Variants in PIP5K1B observed in about 807,000 individuals in gnomAD.
The protein encoded by PIP5K1B is phosphatidylinositol-4-phosphate 5-kinase type 1 beta, also known as phosphatidylinositol 4-phosphate 5-kinase type-1 beta.
PIP5K1B carries 42 observed loss-of-function variants against 67.0 expected under a neutral mutation model. That is an observed-to-expected ratio of 0.63 (90% CI 0.49 to 0.81). PIP5K1B has a LOEUF of 0.81. PIP5K1B is among the 30% of genes least tolerant of loss of function. The pLI is 0.00. For missense variants in PIP5K1B, 459 were observed against 646.3 expected, an observed-to-expected ratio of 0.71 and a Z score of 3.14; for synonymous variants, 214 against 231.4, an observed-to-expected ratio of 0.92 and a Z score of 0.68.
At chr9:68,946,498 T>G (rs1827809528) in intron 14 of PIP5K1B, among the ~76,000 whole-genome samples, 1 of 152,038 alleles carries the variant, frequency 6.6e-6, no homozygotes, top group South Asian at 2.1e-4. Context: ...GTTCAAGCAA[T>G]TCCCCTACCT....
At chr9:68,860,248 T>G (rs1270321901) in intron 4 of PIP5K1B, among the ~76,000 whole-genome samples, 1 of 151,466 alleles carries the variant, frequency 6.6e-6, no homozygotes, top group Admixed American at 6.6e-5. Flanking sequence ...GAGTTCAACA[T>G]TTTTAGATTC....
chr9:68,869,072 G>A (rs79987570), intron 5 of PIP5K1B, among the ~76,000 whole-genome samples: 2,503 of 152,258 alleles, frequency 0.016, 57 homozygotes, highest in East Asian at 0.11. Flanking sequence ...TGACAAACTA[G>A]CCAACTGCCT....
chr9:68,883,308 T>A (rs1051452809), intron 6 of PIP5K1B, among the ~76,000 whole-genome samples: 12 of 152,204 alleles, frequency 7.9e-5, no homozygotes, highest in Admixed American at 6.5e-4. Flanking sequence ...TGGTGTCCTG[T>A]CTGCAGTCTG....
At chr9:68,809,430 C>T (rs943225360) in intron 2 of PIP5K1B, among the ~76,000 whole-genome samples, 1 of 152,148 alleles carries the variant, frequency 6.6e-6, no homozygotes, top group African/African-American at 2.4e-5. Flanking sequence ...CTAAGAATAG[C>T]TCCCTAGGTT....
intron 2 of PIP5K1B, chr9:68,780,909 A>G (rs763757644): frequency 6.2e-7 from 1 of 1,614,134 alleles, no homozygotes; most frequent in Non-Finnish European, 8.5e-7. Context: ...TGGAAACAGC[A>G]GCAGTGCCGG....
chr9:68,819,354 G>A (rs185436573), intron 3 of PIP5K1B, among the ~76,000 whole-genome samples: 12 of 152,204 alleles, frequency 7.9e-5, no homozygotes, highest in African/African-American at 2.9e-4. Context: ...GCTCACTGCA[G>A]CCTCAAACTC....
intron 14 of PIP5K1B, among the ~76,000 whole-genome samples, chr9:68,982,019 T>A (rs916885211): frequency 2.6e-5 from 4 of 152,198 alleles, no homozygotes; most frequent in Admixed American, 1.3e-4. Context: ...AGATTAACAG[T>A]TTCCTGTGTG....
intron 4 of PIP5K1B, among the ~76,000 whole-genome samples, chr9:68,862,417 A>G (rs908225302): frequency 6.6e-6 from 1 of 152,234 alleles, no homozygotes; most frequent in African/African-American, 2.4e-5. Flanking sequence ...CTGAGGATCA[A>G]GGACCGAATT....
chr9:68,782,954 A>C (rs1432674030), intron 2 of PIP5K1B: 1 of 167,080 alleles, frequency 6.0e-6, no homozygotes, highest in Non-Finnish European at 1.5e-5. Context: ...TTAATCACCA[A>C]GTCCTGTCAA....
chr9:68,796,833 CTT>C (rs1832321268), intron 2 of PIP5K1B, among the ~76,000 whole-genome samples: 1 of 152,186 alleles, frequency 6.6e-6, no homozygotes, highest in South Asian at 2.1e-4. Context: ...GCTATGGCAA[CTT>C]GAGATCCCAT....
At chr9:68,872,754 C>A (rs1236256067) in intron 5 of PIP5K1B, among the ~76,000 whole-genome samples, 1 of 152,154 alleles carries the variant, frequency 6.6e-6, no homozygotes, top group Non-Finnish European at 1.5e-5. Flanking sequence ...ACACAGCATT[C>A]TGCATCATGT....
chr9:68,963,251 C>T (rs1828841196), intron 14 of PIP5K1B: 1 of 455,856 alleles, frequency 2.2e-6, no homozygotes, highest in Middle Eastern at 3.3e-4. Context: ...ACCTGTAATC[C>T]CAGCACTTTG....
chr9:68,989,947 T>TC (rs1830285344), intron 14 of PIP5K1B, among the ~76,000 whole-genome samples: 1 of 151,644 alleles, frequency 6.6e-6, no homozygotes, highest in South Asian at 2.1e-4. Context: ...GCCACTGCAC[T>TC]CCACAGCCTG....
At chr9:68,797,512 A>G (rs1053443975) in intron 2 of PIP5K1B, among the ~76,000 whole-genome samples, 1 of 152,186 alleles carries the variant, frequency 6.6e-6, no homozygotes, top group Non-Finnish European at 1.5e-5. Flanking sequence ...TTATTTTTCC[A>G]TATTTCTCAG....
chr9:68,903,703 C>G (rs1441922251), intron 8 of PIP5K1B, among the ~76,000 whole-genome samples: 1 of 152,118 alleles, frequency 6.6e-6, no homozygotes, highest in African/African-American at 2.4e-5. Flanking sequence ...CTACAAAAAT[C>G]AAAATAACTC....
At chr9:68,864,728 A>G (rs1273154248) in intron 5 of PIP5K1B, among the ~76,000 whole-genome samples, 1 of 152,010 alleles carries the variant, frequency 6.6e-6, no homozygotes, top group African/African-American at 2.4e-5. Context: ...TAATCATTAA[A>G]TAAGTATCAC....
chr9:68,834,677 C>CGGGGCTGG (rs1564171688), intron 4 of PIP5K1B, among the ~76,000 whole-genome samples: 1 of 151,858 alleles, frequency 6.6e-6, no homozygotes, highest in African/African-American at 2.4e-5. Flanking sequence ...AAATATGGGG[C>CGGGGCTGG]GGGGCTGGGG....
At chr9:68,710,128 C>A (rs1827315672) in intron 1 of PIP5K1B, among the ~76,000 whole-genome samples, 1 of 152,164 alleles carries the variant, frequency 6.6e-6, no homozygotes, top group South Asian at 2.1e-4. Context: ...ATGGCCAGAG[C>A]CTTCAGTAGA....
intron 14 of PIP5K1B, among the ~76,000 whole-genome samples, chr9:68,979,009 A>T (rs554560711): frequency 6.6e-6 from 1 of 152,364 alleles, no homozygotes; most frequent in African/African-American, 2.4e-5. Flanking sequence ...TTTAACAACT[A>T]TTCCTTGTTC....
Sources: gnomAD v4.1 joint callset for allele counts (sites outside exome capture counted in the v4.1 genomes callset) on GRCh38, gnomAD v4.1.1 for gene constraint, MANE v1.5 for transcripts, NCBI Gene and HGNC (gene_info 2026-07-23, HGNC 2026-07-21) for gene names.